ARHGAP15: variants seen among roughly 807,000 people sequenced by gnomAD.
The protein encoded by ARHGAP15 is Rho GTPase activating protein 15.
A neutral mutation model predicts 63.7 loss-of-function variants in ARHGAP15; 51 were observed. The observed-to-expected ratio is 0.80, with a 90% CI of 0.64 to 1.01. ARHGAP15 has a LOEUF of 1.01. Ranked by LOEUF, ARHGAP15 falls within the 50% of genes least tolerant of loss-of-function variation. The probability of loss-of-function intolerance (pLI) is 0.00; values close to 1 mark genes in which losing one functional copy is unlikely to be tolerated. For missense variants in ARHGAP15, 560 were observed against 564.6 expected (o/e 0.99, Z 0.08); for synonymous variants, 191 against 193.8 (o/e 0.99, Z 0.12).
intron 3 of ARHGAP15, among the ~76,000 whole-genome samples, chr2:143,204,789 C>T (rs1397524285): frequency 6.6e-6 from 1 of 152,072 alleles, no homozygotes; most frequent in East Asian, 1.9e-4. Flanking sequence ...GATACCTCTT[C>T]CTCTGCCCGG....
intron 10 of ARHGAP15, among the ~76,000 whole-genome samples, chr2:143,546,670 C>T (rs1695347457): frequency 6.6e-6 from 1 of 151,844 alleles, no homozygotes; most frequent in African/African-American, 2.4e-5. Context: ...TTCTTGTTAC[C>T]TCTATTTGTT....
chr2:143,155,711 G>T, intron 2 of ARHGAP15, 56 bp downstream of exon 2: 1 of 1,464,142 alleles, frequency 6.8e-7, no homozygotes, highest in Non-Finnish European at 9.1e-7. Context: ...TTTTGTAAAA[G>T]GAAAAAAAAA....
intron 6 of ARHGAP15, among the ~76,000 whole-genome samples, chr2:143,275,003 A>AT (rs1553457679): frequency 3.9e-5 from 5 of 129,424 alleles, no homozygotes; most frequent in Admixed American, 8.8e-5. Context: ...TCTACTAAAA[A>AT]TTAAAAAAAA....
chr2:143,317,539 G>A (rs1683775806), intron 6 of ARHGAP15, among the ~76,000 whole-genome samples: 1 of 152,174 alleles, frequency 6.6e-6, no homozygotes, highest in South Asian at 2.1e-4. Flanking sequence ...TTATCACAAG[G>A]GCAAATAGCA....
In ARHGAP15 at chr2:143,148,984, C is replaced by T. The variant is rs552882081; in HGVS notation, c.-14-6493C>T. Among the ~76,000 whole-genome samples the T allele has an allele frequency of 3.9e-5, 6 of 152,116 alleles. No individual in the cohort carries two copies. The East Asian group carries it at 7.8e-4, about 20-fold the overall frequency. On this transcript the variant is annotated intron_variant, in intron 1 of 13. Coordinates refer to ENST00000295095, the MANE Select transcript of ARHGAP15 (RefSeq NM_018460.4). ...TTACTGACCTGTCAGGAAAGTGTGA[C>T]GCGAAGGTTGTGGCACACATTACTG... is the stretch of plus-strand genomic sequence containing the variant.
At chr2:143,433,944 G>T (rs897033616) in intron 6 of ARHGAP15, among the ~76,000 whole-genome samples, 18 of 151,998 alleles carry the variant, frequency 1.2e-4, no homozygotes, top group Non-Finnish European at 2.5e-4. Context: ...TGTTAGAAAT[G>T]ACCTTATATT....
intron 6 of ARHGAP15, among the ~76,000 whole-genome samples, chr2:143,372,258 C>T (rs967044416): frequency 6.6e-6 from 1 of 151,012 alleles, no homozygotes; most frequent in Admixed American, 6.6e-5. Flanking sequence ...GGGAGGATCA[C>T]CTGAGCCTGA....
At chr2:143,764,092 G>A (rs1374173589) in intron 13 of ARHGAP15, among the ~76,000 whole-genome samples, 1 of 152,058 alleles carries the variant, frequency 6.6e-6, no homozygotes, top group Non-Finnish European at 1.5e-5. Context: ...ACGTGCATAA[G>A]TTTTATTAAA....
intron 8 of ARHGAP15, among the ~76,000 whole-genome samples, chr2:143,459,843 C>T (rs1040303074): frequency 1.3e-5 from 2 of 151,926 alleles, no homozygotes; most frequent in African/African-American, 4.8e-5. Flanking sequence ...TTTAAGTTTT[C>T]AAAGAAAATT....
chr2:143,560,576 T>A (rs531859214), intron 11 of ARHGAP15, among the ~76,000 whole-genome samples: 1 of 152,250 alleles, frequency 6.6e-6, no homozygotes, highest in South Asian at 2.1e-4. Flanking sequence ...TATCTCTTTA[T>A]AAAAGCAGAG....
At chr2:143,233,058 A>G (rs1022323473) in intron 5 of ARHGAP15, among the ~76,000 whole-genome samples, 43 of 152,156 alleles carry the variant, frequency 2.8e-4, no homozygotes, top group African/African-American at 1.0e-3. Context: ...ATTTTTAATC[A>G]ATTTATCCCT....
intron 12 of ARHGAP15, among the ~76,000 whole-genome samples, chr2:143,702,776 C>A (rs1035974564): frequency 1.3e-5 from 2 of 152,122 alleles, no homozygotes; most frequent in African/African-American, 4.8e-5. Flanking sequence ...ATCGCATACC[C>A]TCTCTTTTCT....
chr2:143,738,158 A>G (rs1237274267), intron 13 of ARHGAP15, among the ~76,000 whole-genome samples: 1 of 152,174 alleles, frequency 6.6e-6, no homozygotes, highest in East Asian at 1.9e-4. Context: ...GTTTTAAATA[A>G]TATTCACTAG....
intron 13 of ARHGAP15, among the ~76,000 whole-genome samples, chr2:143,730,709 C>T (rs772799648): frequency 5.9e-5 from 9 of 151,882 alleles, no homozygotes; most frequent in African/African-American, 9.7e-5. Context: ...AGATTTCACA[C>T]GTTTATATTC....
At chr2:143,618,547 CT>C (rs1404188866) in intron 11 of ARHGAP15, among the ~76,000 whole-genome samples, 1 of 152,184 alleles carries the variant, frequency 6.6e-6, no homozygotes, top group Admixed American at 6.5e-5. Context: ...GTCTTTTCCT[CT>C]TTTTAAAATT....
At chr2:143,413,966 T>TGTGTGTGCGCGCGCGTGC in intron 6 of ARHGAP15, among the ~76,000 whole-genome samples, 1 of 117,910 alleles carries the variant, frequency 8.5e-6, no homozygotes, top group African/African-American at 3.5e-5. Flanking sequence ...TGTGTGTGTG[T>TGTGTGTGCGCGCGCGTGC]GCGCGCTCTC....
At chr2:143,643,025 G>C (rs1680682633) in intron 12 of ARHGAP15, among the ~76,000 whole-genome samples, 1 of 149,496 alleles carries the variant, frequency 6.7e-6, no homozygotes, top group South Asian at 2.1e-4. Flanking sequence ...AAGGGACTCA[G>C]TAAATTCTTG....
chr2:143,542,472 A>T (rs527943269), intron 10 of ARHGAP15, among the ~76,000 whole-genome samples: 1 of 151,760 alleles, frequency 6.6e-6, no homozygotes, highest in South Asian at 2.1e-4. Flanking sequence ...CGTCACTCAC[A>T]CTGGTAGCTG....
intron 12 of ARHGAP15, among the ~76,000 whole-genome samples, chr2:143,661,259 C>T (rs1389493867): frequency 1.3e-5 from 2 of 152,172 alleles, no homozygotes; most frequent in African/African-American, 4.8e-5. Context: ...TCCCCTTTGC[C>T]ACGAAGATAG....
Sources: allele counts gnomAD v4.1 joint callset (sites outside exome capture counted in the v4.1 genomes callset), GRCh38; gene constraint gnomAD v4.1.1; transcripts MANE v1.5; gene names NCBI Gene and HGNC (gene_info 2026-07-23, HGNC 2026-07-21).